Variants in GLG1 observed in about 807,000 individuals in gnomAD.
The protein encoded by GLG1 is Golgi apparatus protein 1.
In GLG1, 38 loss-of-function variants were observed where a neutral mutation model predicts 160.5. The ratio of observed to expected loss-of-function variants is 0.24; its 90% CI spans 0.18 to 0.31. The LOEUF (loss-of-function observed/expected upper bound fraction) is 0.31. GLG1 is among the 10% of genes least tolerant of loss of function. GLG1 has a pLI of 1.00. For synonymous variants in GLG1, 644 were observed against 543.4 expected (o/e 1.19, Z -2.57); for missense variants, 1,373 against 1,505.2 (o/e 0.91, Z 1.45).
chr16:74,487,609 T>TAG (rs1430892208), intron 8 of GLG1, among the ~76,000 whole-genome samples: 1 of 152,186 alleles, frequency 6.6e-6, no homozygotes, highest in African/African-American at 2.4e-5. Context: ...TATCGAATGA[T>TAG]TACCAATGTT....
chr16:74,464,475 T>G (rs1431375746), intron 19 of GLG1, among the ~76,000 whole-genome samples: 1 of 152,266 alleles, frequency 6.6e-6, no homozygotes, highest in South Asian at 2.1e-4. Context: ...CTATCCGTTC[T>G]GCTAATCCGC....
intron 7 of GLG1, 54 bp from the exon 8 acceptor site, chr16:74,491,269 T>C (rs1249025185): frequency 8.2e-7 from 1 of 1,212,406 alleles, no homozygotes; most frequent in Non-Finnish European, 1.2e-6. Flanking sequence ...TGTATTAGCA[T>C]CAGAAATCAC....
At position 74,451,994 on chromosome 16, in the gene GLG1, C is replaced by T. The variant is rs575254187; in HGVS notation, c.*1173G>A. Reference sequence around the variant, plus strand: ...CTTTTAATGTGATAACTTTCCACACCCTCTCCACGTAGAGGCACAAAGGAG... The same window carrying T: ...CTTTTAATGTGATAACTTTCCACACTCTCTCCACGTAGAGGCACAAAGGAG... On this transcript the variant is annotated 3_prime_UTR_variant, in exon 26 of 26. Coordinates refer to ENST00000422840, the MANE Select transcript of GLG1 (RefSeq NM_001145667.2). 1.7e-6 allele frequency: 2 copies of T among 1,186,412 alleles called. No individual in the cohort carries two copies. Among genetic ancestry groups the T allele is most frequent in the South Asian group, 1.2e-5 (1 of 82,390 alleles). 73.5% of individuals were successfully genotyped at this position (1,186,412 alleles called of 1,614,324 possible). A position where few individuals can be genotyped will look rare whatever the true frequency, so the allele number is the denominator to read the frequency against.
intron 1 of GLG1, among the ~76,000 whole-genome samples, chr16:74,583,764 C>G (rs1957988370): frequency 6.6e-6 from 1 of 152,158 alleles, no homozygotes; most frequent in Non-Finnish European, 1.5e-5. Flanking sequence ...TATCCAGACT[C>G]CAATTAGCCA....
intron 3 of GLG1, among the ~76,000 whole-genome samples, chr16:74,504,830 A>C (rs545669603): frequency 6.6e-6 from 1 of 152,340 alleles, no homozygotes; most frequent in Admixed American, 6.5e-5. Flanking sequence ...GTGTTCCTGC[A>C]AAGTGCATTC....
At chr16:74,476,377 C>T (rs146384592) in intron 12 of GLG1, among the ~76,000 whole-genome samples, 11 of 152,264 alleles carry the variant, frequency 7.2e-5, no homozygotes, top group Admixed American at 5.2e-4. Context: ...ATATACCCAA[C>T]AGAACTGTAG....
rs576617235 is a variant in GLG1, at chr16:74,559,352, G to A, written c.439-27199C>T. Among the ~76,000 whole-genome samples the A allele has an allele frequency of 9.2e-5, 14 of 151,916 alleles. No homozygotes were observed. The East Asian group carries it at 2.7e-3, about 29-fold the overall frequency. ...AAGCTACTCAGGAGGCTGAGGGCAG[G>A]AGGATCGTTTGAGCCCAGGAGTTTG... On this transcript the variant is annotated intron_variant, in intron 1 of 25. Transcript: ENST00000422840.
rs532544453 is a variant in GLG1 at position 74,508,854 on chromosome 16, T to C, written c.543A>G (p.Lys181=). The change falls in exon 3 of 26, where the codon AAA becomes AAG. Residue 181 remains lysine, a synonymous_variant. Coordinates refer to ENST00000422840, the MANE Select transcript of GLG1 (RefSeq NM_001145667.2). ...KFESVAREVC[K]STITEIKECA... is the part of the protein sequence containing the mutation. ...GACAACTTACCTCTGTTATAGTAGATTTGCAAACCTCTCTGGCCACAGATT... is the reference window on the plus strand; with the variant it reads ...GACAACTTACCTCTGTTATAGTAGACTTGCAAACCTCTCTGGCCACAGATT... 22 of 1,491,554 alleles carry C rather than the reference T, an allele frequency of 1.5e-5. No individual in the cohort carries two copies. In the African/African-American group the frequency reaches 2.1e-4, roughly 14 times the overall value. The allele number at this position is 1,491,554 out of a possible 1,614,324, so 92.4% of individuals were successfully genotyped here. A position where few individuals can be genotyped will look rare whatever the true frequency, so the allele number is the denominator to read the frequency against.
chr16:74,552,925 A>T (rs1264462283), intron 1 of GLG1, among the ~76,000 whole-genome samples: 1 of 152,092 alleles, frequency 6.6e-6, no homozygotes, highest in Non-Finnish European at 1.5e-5. Flanking sequence ...TTTTTAAAAA[A>T]AACTTGTTTT....
At chr16:74,552,284 T>A in intron 1 of GLG1, 1 of 580,166 alleles carries the variant, frequency 1.7e-6, no homozygotes, top group Non-Finnish European at 3.3e-6. Flanking sequence ...GATTGCCATC[T>A]ATGAACTCCT....
intron 22 of GLG1, 105 bp downstream of exon 22, chr16:74,461,989 C>G (rs980587204): frequency 2.2e-5 from 14 of 649,832 alleles, no homozygotes; most frequent in Middle Eastern, 3.5e-4. Flanking sequence ...GCCTTCAATT[C>G]ACCAGATCAT....
At chr16:74,520,941 T>C (rs1378732353) in intron 2 of GLG1, among the ~76,000 whole-genome samples, 2 of 152,132 alleles carry the variant, frequency 1.3e-5, no homozygotes, top group African/African-American at 4.8e-5. Context: ...GAGTTTACAT[T>C]CTATGAAAGA....
At chr16:74,494,072 G>A (rs1234272673) in intron 6 of GLG1, among the ~76,000 whole-genome samples, 1 of 151,970 alleles carries the variant, frequency 6.6e-6, no homozygotes, top group Non-Finnish European at 1.5e-5. Context: ...CTACTAGGGA[G>A]GCTGAGGCAG....
intron 2 of GLG1, among the ~76,000 whole-genome samples, chr16:74,526,768 G>T (rs1371388333): frequency 6.6e-6 from 1 of 152,236 alleles, no homozygotes; most frequent in South Asian, 2.1e-4. Flanking sequence ...TTTTGACATG[G>T]AGAAATACTG....
chr16:74,589,588 G>GT, intron 1 of GLG1, among the ~76,000 whole-genome samples: 2 of 152,296 alleles, frequency 1.3e-5, no homozygotes, highest in South Asian at 4.1e-4. Flanking sequence ...TTATTTGCGG[G>GT]TGTGGGGCAG....
intron 18 of GLG1, among the ~76,000 whole-genome samples, chr16:74,466,766 G>A (rs944918787): frequency 6.6e-6 from 1 of 152,162 alleles, no homozygotes; most frequent in Non-Finnish European, 1.5e-5. Context: ...TGGTCTCCTG[G>A]AGCAGAATGG....
chr16:74,497,244 G>A (rs1322917663), intron 4 of GLG1, among the ~76,000 whole-genome samples: 1 of 150,186 alleles, frequency 6.7e-6, no homozygotes, highest in African/African-American at 2.4e-5. Context: ...AGCCGAGATC[G>A]TGCCACTGCA....
intron 1 of GLG1, among the ~76,000 whole-genome samples, chr16:74,589,456 G>A (rs548502519): frequency 8.5e-5 from 13 of 152,226 alleles, no homozygotes; most frequent in South Asian, 4.1e-4. Context: ...AAATATTTTG[G>A]TGCAGCAAAT....
chr16:74,485,080 T>G (rs2015744764), intron 9 of GLG1, among the ~76,000 whole-genome samples: 1 of 152,156 alleles, frequency 6.6e-6, no homozygotes, highest in Non-Finnish European at 1.5e-5. Context: ...CGCCAGCTGA[T>G]TTTAAAAACT....
Sources: allele counts gnomAD v4.1 joint callset (sites outside exome capture counted in the v4.1 genomes callset), GRCh38; gene constraint gnomAD v4.1.1; transcripts MANE v1.5; gene names NCBI Gene and HGNC (gene_info 2026-07-23, HGNC 2026-07-21).